Variants in CFAP54 observed in about 807,000 individuals in gnomAD.
CFAP54 encodes cilia and flagella associated protein 54, also known as cilia- and flagella-associated protein 54.
In CFAP54, 290 loss-of-function variants were observed where a neutral mutation model predicts 370.4. The observed-to-expected ratio is 0.78, with a 90% CI of 0.71 to 0.86. CFAP54 has a LOEUF of 0.86. CFAP54 is among the 40% of genes least tolerant of loss of function. The pLI is 0.00. For synonymous variants in CFAP54, 1,206 were observed against 1,236.5 expected (o/e 0.98, Z 0.52); for missense variants, 3,399 against 3,528.7 (o/e 0.96, Z 0.93).
chr12:96,544,482 C>T (rs1192013749), intron 14 of CFAP54, among the ~76,000 whole-genome samples: 2 of 124,208 alleles, frequency 1.6e-5, no homozygotes, highest in Non-Finnish European at 3.8e-5. Flanking sequence ...TCCTTTTTCT[C>T]TCCAAGGATG....
At chr12:96,508,226 T>C (rs1368929605) in intron 4 of CFAP54, among the ~76,000 whole-genome samples, 1 of 144,806 alleles carries the variant, frequency 6.9e-6, no homozygotes, top group Non-Finnish European at 1.5e-5. Context: ...CTTGAACTCC[T>C]GGGCTTAAGC....
intron 4 of CFAP54, among the ~76,000 whole-genome samples, chr12:96,512,447 ATT>A (rs1190992629): frequency 1.3e-5 from 2 of 150,238 alleles, no homozygotes; most frequent in African/African-American, 4.9e-5. Context: ...GGTTCAAGCG[ATT>A]TTTCTCCCTC....
intron 66 of CFAP54, among the ~76,000 whole-genome samples, chr12:96,845,313 G>T (rs1475872177): frequency 6.6e-6 from 1 of 152,156 alleles, no homozygotes; most frequent in Non-Finnish European, 1.5e-5. Flanking sequence ...TTTATTGGTA[G>T]TATAACCACT....
chr12:96,494,766 C>T (rs866660456), intron 1 of CFAP54, among the ~76,000 whole-genome samples: 3 of 151,780 alleles, frequency 2.0e-5, no homozygotes, highest in South Asian at 2.1e-4. Flanking sequence ...CTTGCTCTGT[C>T]GCCAGGCTGG....
intron 32 of CFAP54, among the ~76,000 whole-genome samples, chr12:96,642,379 C>T (rs948363552): frequency 7.9e-5 from 12 of 152,142 alleles, no homozygotes; most frequent in African/African-American, 2.9e-4. Context: ...CTTCCAGGTC[C>T]TCTCAAAAGG....
intron 67 of CFAP54, among the ~76,000 whole-genome samples, chr12:96,870,530 A>G (rs1960129421): frequency 6.6e-6 from 1 of 152,216 alleles, no homozygotes. Context: ...TTTAGGATAC[A>G]TAAAGCACCT....
chr12:96,814,051 G>A (rs1450306664), intron 64 of CFAP54, among the ~76,000 whole-genome samples: 5 of 152,310 alleles, frequency 3.3e-5, no homozygotes, highest in Non-Finnish European at 5.9e-5. Flanking sequence ...CCCGTTCCCA[G>A]ACTGCTCTTT....
In CFAP54 at chr12:96,651,618, C is replaced by G; in HGVS notation, c.4903C>G (p.Leu1635Val). Residue 1635 changes from leucine (L) to valine (V), a missense_variant, in exon 36 of 68, where the codon CTG becomes GTG. This residue lies in a region of CFAP54 where 2,796 missense variants were observed against 2,869.7 expected (regional missense o/e 0.97). Coordinates refer to ENST00000524981, the MANE Select transcript of CFAP54 (RefSeq NM_001306084.2). Reference protein sequence around the residue: ...VLAHRGGYWTLLQNCCRALWN... With the variant: ...VLAHRGGYWTVLQNCCRALWN... Reference sequence around the variant, plus strand: ...TGCTCATCGTGGTGGCTATTGGACTCTGCTTCAGAACTGCTGTCGGGCCTT... The same window carrying G: ...TGCTCATCGTGGTGGCTATTGGACTGTGCTTCAGAACTGCTGTCGGGCCTT... 4 of 1,614,156 alleles carry G rather than the reference C, an allele frequency of 2.5e-6. No homozygotes were observed. The highest frequency in any genetic ancestry group is 3.4e-6 in the Non-Finnish European group (4 of 1,180,026).
intron 43 of CFAP54, among the ~76,000 whole-genome samples, chr12:96,690,046 C>G (rs989088704): frequency 6.6e-6 from 1 of 152,164 alleles, no homozygotes; most frequent in Non-Finnish European, 1.5e-5. Context: ...TGACTTCTTA[C>G]GTCGCATTCT....
chr12:96,681,036 T>C (rs1250432879), intron 40 of CFAP54, among the ~76,000 whole-genome samples: 4 of 151,996 alleles, frequency 2.6e-5, no homozygotes, highest in African/African-American at 7.2e-5. Flanking sequence ...TGAGCCGAGA[T>C]TGTGCCACTG....
At position 96,560,130 on chromosome 12, in the gene CFAP54, A is replaced by T. The variant is rs1008632871; in HGVS notation, c.2411-4338A>T. On this transcript the variant is annotated intron_variant, in intron 17 of 67. Transcript: ENST00000524981. ...CATTTATCAGTTATTTGTGTTGAGAACATCTCAAATCTTCTAGCTATTTTG... is the reference window on the plus strand; with the variant it reads ...CATTTATCAGTTATTTGTGTTGAGATCATCTCAAATCTTCTAGCTATTTTG... 5.3e-5 allele frequency among the ~76,000 whole-genome samples: 8 copies of T among 152,326 alleles called. No homozygotes were observed. In the South Asian group the frequency reaches 1.4e-3, roughly 28 times the overall value.
intron 19 of CFAP54, among the ~76,000 whole-genome samples, chr12:96,565,778 GAA>G (rs1247399967): frequency 6.6e-6 from 1 of 152,154 alleles, no homozygotes; most frequent in Non-Finnish European, 1.5e-5. Context: ...ATGTAGATAA[GAA>G]AAGTTTGTTG....
rs1391534688 is a variant in CFAP54, at chr12:96,535,603, G to A, written c.1791+3G>A. The A allele has an allele frequency of 7.9e-6, 12 of 1,525,322 alleles. No individual in the cohort carries two copies. The highest frequency in any genetic ancestry group is 1.1e-5 in the Non-Finnish European group (12 of 1,139,056). 94.5% of individuals were successfully genotyped at this position (1,525,322 alleles called of 1,614,324 possible). On this transcript the variant is annotated splice_donor_region_variant and intron_variant, in intron 12 of 67. Coordinates refer to ENST00000524981, the MANE Select transcript of CFAP54 (RefSeq NM_001306084.2). ...TCTGTGTCTGCACTGCTCCCCAGGT[G>A]AAATAGCTATTTTAAATAATTTTTA... is the stretch of plus-strand genomic sequence containing the variant.
At chr12:96,620,523 A>G (rs1289119554) in intron 26 of CFAP54, among the ~76,000 whole-genome samples, 6 of 152,256 alleles carry the variant, frequency 3.9e-5, no homozygotes, top group Non-Finnish European at 5.9e-5. Context: ...GAGTCAATTA[A>G]ACCTCTTTCC....
At chr12:96,741,083 C>T (rs1291597717) in intron 51 of CFAP54, among the ~76,000 whole-genome samples, 1 of 152,190 alleles carries the variant, frequency 6.6e-6, no homozygotes, top group East Asian at 1.9e-4. Context: ...TATTGCTAAT[C>T]TACATACTAG....
intron 60 of CFAP54, among the ~76,000 whole-genome samples, chr12:96,776,667 A>G (rs142288572): frequency 7.2e-5 from 11 of 152,358 alleles, no homozygotes; most frequent in African/African-American, 2.4e-4. Context: ...AGAACTGCGT[A>G]AGTGGTAGTT....
chr12:96,588,644 T>A (rs1956095403), intron 22 of CFAP54, among the ~76,000 whole-genome samples: 1 of 151,956 alleles, frequency 6.6e-6, no homozygotes. Flanking sequence ...ATTCACTTAC[T>A]TCATTCCATG....
At chr12:96,638,205 ATGTGTGTG>A (rs756775917) in intron 32 of CFAP54, among the ~76,000 whole-genome samples, 18 of 122,658 alleles carry the variant, frequency 1.5e-4, no homozygotes, top group South Asian at 5.5e-4. Context: ...ATATATATGC[ATGTGTGTG>A]TGTGTGTGTG....
chr12:96,752,992 CAT>C (rs1349519929), intron 55 of CFAP54, among the ~76,000 whole-genome samples: 2 of 152,146 alleles, frequency 1.3e-5, no homozygotes, highest in African/African-American at 2.4e-5. Flanking sequence ...TTGCGGGGAT[CAT>C]ATGAGTAATG....
Sources: gnomAD v4.1 joint callset for allele counts (sites outside exome capture counted in the v4.1 genomes callset) on GRCh38, gnomAD v4.1.1 for gene constraint, gnomAD v4.1.1 regional missense constraint, MANE v1.5 for transcripts, NCBI Gene and HGNC (gene_info 2026-07-23, HGNC 2026-07-21) for gene names.